Variants in NFIB observed in about 807,000 individuals in gnomAD.
NFIB encodes nuclear factor 1 B-type.
Under a neutral mutation model 61.5 loss-of-function variants are expected in NFIB, and 11 were observed. The observed-to-expected ratio is 0.18, with a 90% CI of 0.11 to 0.30. The LOEUF (loss-of-function observed/expected upper bound fraction) is 0.30, where lower values mean the gene tolerates loss of function less well. Ranked by LOEUF, NFIB falls within the 10% of genes least tolerant of loss-of-function variation. The pLI is 1.00. For missense variants in NFIB, 471 were observed against 608.9 expected, an observed-to-expected ratio of 0.77 and a Z score of 2.38; for synonymous variants, 260 against 216.5, an observed-to-expected ratio of 1.20 and a Z score of -1.76.
At chr9:14,410,013 G>T in the NFIB span, among the ~76,000 whole-genome samples, 2 of 152,046 alleles carry the variant, frequency 1.3e-5, no homozygotes, top group African/African-American at 4.8e-5. Flanking sequence ...ATATACACTT[G>T]TATCTTTAAC....
chr9:14,467,671 GA>G, the NFIB span, among the ~76,000 whole-genome samples: 2 of 151,986 alleles, frequency 1.3e-5, no homozygotes, highest in African/African-American at 4.8e-5. Context: ...AATATTTATT[GA>G]TTTGATATTC....
rs568141813 is a variant in NFIB at position 14,196,527 on chromosome 9, G to A, written c.563-16747C>T. On this transcript the variant is annotated intron_variant, in intron 2 of 10. Coordinates refer to ENST00000380953, the MANE Select transcript of NFIB (RefSeq NM_001190737.2). ...ACTGGACACCTGAGAAGCCAAAAGC[G>A]CTACACCAAAATATACCACCTTTAA... is the stretch of plus-strand genomic sequence containing the variant. Among the ~76,000 whole-genome samples the A allele has an allele frequency of 5.3e-5, 8 of 152,070 alleles. No homozygotes were observed. In the East Asian group the frequency reaches 1.2e-3, roughly 22 times the overall value.
chr9:14,500,643 GCAAA>G, the NFIB span, among the ~76,000 whole-genome samples: 6 of 152,070 alleles, frequency 3.9e-5, no homozygotes, highest in African/African-American at 1.2e-4. Flanking sequence ...CCCGGTAAAA[GCAAA>G]CAAACAAACA....
At chr9:14,502,219 T>C in the NFIB span, among the ~76,000 whole-genome samples, 1 of 152,160 alleles carries the variant, frequency 6.6e-6, no homozygotes, top group South Asian at 2.1e-4. Context: ...TGTATTATTC[T>C]CCACACAAGG....
rs149622629 is a variant in NFIB, at chr9:14,086,067, G to C, written c.*2242C>G. The C allele has an allele frequency of 1.3e-5, 3 of 226,590 alleles. No homozygotes were observed. The highest frequency in any genetic ancestry group is 1.1e-4 in the Admixed American group (2 of 17,540). The allele number at this position is 226,590 out of a possible 1,614,324, so 14.0% of individuals were successfully genotyped here. A position where few individuals can be genotyped will look rare whatever the true frequency, so the allele number is the denominator to read the frequency against. ...GTTTGCTTGTTCTTACTATTGTGTT[G>C]TTATGAAAACCAGTAATGAGTTCAG... On this transcript the variant is annotated 3_prime_UTR_variant, in exon 11 of 11. Coordinates refer to ENST00000380953, the MANE Select transcript of NFIB (RefSeq NM_001190737.2).
chr9:14,256,517 A>C (rs989999680), intron 2 of NFIB, among the ~76,000 whole-genome samples: 1 of 152,216 alleles, frequency 6.6e-6, no homozygotes, highest in Admixed American at 6.5e-5. Flanking sequence ...AAGACTAATT[A>C]GAAGATAGAG....
At chr9:14,367,491 G>A (rs978388844) in intron 1 of NFIB, among the ~76,000 whole-genome samples, 1 of 152,034 alleles carries the variant, frequency 6.6e-6, no homozygotes, top group South Asian at 2.1e-4. Context: ...TGTGAATTGG[G>A]AATGAGGGTC....
chr9:14,416,391 C>T, the NFIB span, among the ~76,000 whole-genome samples: 3 of 152,194 alleles, frequency 2.0e-5, no homozygotes, highest in African/African-American at 7.2e-5. Context: ...GCATGTGTTA[C>T]TGCCCCTGAA....
intron 1 of NFIB, among the ~76,000 whole-genome samples, chr9:14,326,541 T>G (rs2060753822): frequency 6.6e-6 from 1 of 152,184 alleles, no homozygotes; most frequent in Non-Finnish European, 1.5e-5. Flanking sequence ...TCAAGTGGTT[T>G]GTGGTGTCAT....
chr9:14,126,231 GC>G (rs1244509906), intron 6 of NFIB, among the ~76,000 whole-genome samples: 4 of 152,166 alleles, frequency 2.6e-5, no homozygotes, highest in South Asian at 4.1e-4. Context: ...CACTTGATTA[GC>G]AAAAAGTACA....
In NFIB at chr9:14,282,995, G is replaced by C. The variant is rs527364320; in HGVS notation, c.562+23994C>G. ...CCCTTAACACAGTCCCAGGCACATA[G>C]TAAGTGCTTAATAAATATTAGATGT... is the stretch of plus-strand genomic sequence containing the variant. On this transcript the variant is annotated intron_variant, in intron 2 of 10. Coordinates refer to ENST00000380953, the MANE Select transcript of NFIB (RefSeq NM_001190737.2). Among the ~76,000 whole-genome samples, 6 of 152,292 alleles carry C rather than the reference G, an allele frequency of 3.9e-5. No individual in the cohort carries two copies. In the South Asian group the frequency reaches 1.2e-3, roughly 32 times the overall value.
chr9:14,337,971 C>T (rs1455683668), intron 1 of NFIB, among the ~76,000 whole-genome samples: 2 of 152,170 alleles, frequency 1.3e-5, no homozygotes, highest in African/African-American at 4.8e-5. Context: ...GCAGTAAATG[C>T]ATGTACTGGC....
At chr9:14,487,092 G>A in the NFIB span, among the ~76,000 whole-genome samples, 1 of 152,014 alleles carries the variant, frequency 6.6e-6, no homozygotes, top group Non-Finnish European at 1.5e-5. Flanking sequence ...GCTTTGTCTG[G>A]ATAAAAACAA....
chr9:14,381,559 G>A (rs991730046), intron 1 of NFIB, among the ~76,000 whole-genome samples: 3 of 152,190 alleles, frequency 2.0e-5, no homozygotes, highest in Non-Finnish European at 4.4e-5. Flanking sequence ...CAATGTCTGG[G>A]AATTCTAAGG....
chr9:14,304,445 A>C (rs1053579621), intron 2 of NFIB, among the ~76,000 whole-genome samples: 3 of 152,254 alleles, frequency 2.0e-5, no homozygotes, highest in Admixed American at 6.5e-5. Context: ...TCCACACTGC[A>C]ATGCGGATGC....
chr9:14,082,856 AC>A lies in NFIB; in HGVS notation c.*5452del, dbSNP rs2032225184. ...CAGTCCCTGTAGCACAGTTTTCAAA[AC>A]CATTCTGTCAAAAATACAGTAATAC... On this transcript the variant is annotated 3_prime_UTR_variant, in exon 11 of 11. Transcript: ENST00000380953. The A allele has an allele frequency of 4.8e-6, 1 of 207,484 alleles. No individual in the cohort carries two copies. The highest frequency in any genetic ancestry group is 9.8e-6 in the Non-Finnish European group (1 of 101,770). 12.9% of individuals were successfully genotyped at this position (207,484 alleles called of 1,614,324 possible).
At chr9:14,395,676 G>GT (rs1280569169) in intron 1 of NFIB, among the ~76,000 whole-genome samples, 3 of 139,360 alleles carry the variant, frequency 2.2e-5, no homozygotes, top group East Asian at 4.5e-4. Flanking sequence ...ATTTTACCTC[G>GT]TAAAAAATTC....
chr9:14,303,275 A>G lies in NFIB; in HGVS notation c.562+3714T>C, dbSNP rs150569664. On this transcript the variant is annotated intron_variant, in intron 2 of 10. Transcript: ENST00000380953. ...AGTCATAATGAATGCATCACATATC[A>G]TTACGTTAGGTTTGTCCTCCACACA... Among the ~76,000 whole-genome samples the G allele has an allele frequency of 1.6e-4, 24 of 152,294 alleles. No individual in the cohort carries two copies. In the East Asian group the frequency reaches 4.4e-3, roughly 28 times the overall value.
intron 1 of NFIB, among the ~76,000 whole-genome samples, chr9:14,390,747 G>A (rs997497384): frequency 1.3e-5 from 2 of 152,194 alleles, no homozygotes; most frequent in Non-Finnish European, 2.9e-5. Context: ...AGAACACAGT[G>A]AGAAGATGGC....
Sources: gnomAD v4.1 joint callset for allele counts (sites outside exome capture counted in the v4.1 genomes callset) on GRCh38, gnomAD v4.1.1 for gene constraint, MANE v1.5 for transcripts, NCBI Gene and HGNC (gene_info 2026-07-23, HGNC 2026-07-21) for gene names.